COMMD1: variants seen among roughly 807,000 people sequenced by gnomAD.
The protein encoded by COMMD1 is COMM domain-containing protein 1.
Under a neutral mutation model 17.2 loss-of-function variants are expected in COMMD1, and 10 were observed. The ratio of observed to expected loss-of-function variants is 0.58; its 90% CI spans 0.36 to 0.99. COMMD1 has a LOEUF of 0.99. Among genes scored for constraint, COMMD1 ranks in the 50% least tolerant of loss-of-function variants. COMMD1 has a pLI of 0.01. For synonymous variants in COMMD1, 97 were observed against 91.6 expected (o/e 1.06, Z -0.34); for missense variants, 270 against 231.8 (o/e 1.17, Z -1.07).
intron 2 of COMMD1, among the ~76,000 whole-genome samples, chr2:62,057,460 T>C (rs983711796): frequency 2.6e-5 from 4 of 152,220 alleles, no homozygotes; most frequent in African/African-American, 9.6e-5. Context: ...GCTAATGTTC[T>C]ATTAAGATTG....
intron 1 of COMMD1, among the ~76,000 whole-genome samples, chr2:61,979,773 G>T: frequency 1.3e-5 from 2 of 148,278 alleles, no homozygotes. Context: ...TATACTCTAA[G>T]TTTTAGGGTA....
At chr2:61,911,070 C>T (rs1052651271) in intron 1 of COMMD1, among the ~76,000 whole-genome samples, 4 of 144,120 alleles carry the variant, frequency 2.8e-5, no homozygotes, top group Non-Finnish European at 4.6e-5. Context: ...GCAACAAGAG[C>T]GAAACCCCAT....
chr2:62,126,146 C>A (rs964439495), intron 2 of COMMD1, among the ~76,000 whole-genome samples: 2 of 152,226 alleles, frequency 1.3e-5, no homozygotes, highest in African/African-American at 4.8e-5. Context: ...GTGTATGTAC[C>A]ACATTTTCTT....
chr2:62,124,021 C>G lies in COMMD1; in HGVS notation c.463-11810C>G, dbSNP rs548326675. ...AGTCACAGTTAAAGTTCCTCCCAGC[C>G]AGGCACGGTGGCTCACACCTGTAAT... On this transcript the variant is annotated intron_variant, in intron 2 of 2. Transcript: ENST00000311832. Among the ~76,000 whole-genome samples, 8 of 152,268 alleles carry G rather than the reference C, an allele frequency of 5.3e-5. No individual in the cohort carries two copies. The South Asian group carries it at 1.7e-3, about 32-fold the overall frequency.
chr2:61,995,082 T>A (rs899872208), intron 1 of COMMD1, among the ~76,000 whole-genome samples: 2 of 140,500 alleles, frequency 1.4e-5, no homozygotes, highest in African/African-American at 2.7e-5. Flanking sequence ...CTTACTGTTA[T>A]CAGATTCAGC....
chr2:61,906,358 A>G (rs777969082), intron 1 of COMMD1, among the ~76,000 whole-genome samples: 5 of 152,276 alleles, frequency 3.3e-5, no homozygotes, highest in Non-Finnish European at 7.3e-5. Context: ...TAGATCGTCC[A>G]ATAGAAATAT....
chr2:61,936,094 A>G (rs1312096999), intron 1 of COMMD1, among the ~76,000 whole-genome samples: 3 of 152,204 alleles, frequency 2.0e-5, no homozygotes, highest in Admixed American at 1.3e-4. Flanking sequence ...CTGAGACACC[A>G]TGCCCGGCCC....
chr2:62,128,166 A>G (rs1312067799), intron 2 of COMMD1, among the ~76,000 whole-genome samples: 1 of 151,722 alleles, frequency 6.6e-6, no homozygotes, highest in Admixed American at 6.6e-5. Context: ...TATCTCTACT[A>G]GAAATGCAAA....
At chr2:61,907,985 GCTTTA>G (rs895873391) in intron 1 of COMMD1, among the ~76,000 whole-genome samples, 5 of 152,052 alleles carry the variant, frequency 3.3e-5, no homozygotes, top group African/African-American at 1.2e-4. Flanking sequence ...ACTGCATCCG[GCTTTA>G]CTTTATTTTA....
intron 1 of COMMD1, among the ~76,000 whole-genome samples, chr2:61,997,769 G>A (rs1467830389): frequency 1.3e-5 from 2 of 152,156 alleles, no homozygotes; most frequent in Non-Finnish European, 1.5e-5. Flanking sequence ...CACCAGCTGC[G>A]TTAGCCCCTA....
At chr2:61,904,171 C>T (rs745868170), upstream of COMMD1, among the ~76,000 whole-genome samples, 7 of 152,006 alleles carry the variant, frequency 4.6e-5, no homozygotes, top group South Asian at 2.1e-4. Flanking sequence ...CCACTAGGCC[C>T]GGCTAATTTT....
intron 2 of COMMD1, chr2:62,079,890 C>T (rs919630174): frequency 2.0e-5 from 3 of 152,116 alleles, no homozygotes; most frequent in East Asian, 3.8e-4. Flanking sequence ...TTTTATGTAG[C>T]ATTTAAATAA....
chr2:61,914,481 G>A (rs1008167446), intron 1 of COMMD1, among the ~76,000 whole-genome samples: 4 of 151,780 alleles, frequency 2.6e-5, no homozygotes, highest in South Asian at 2.1e-4. Flanking sequence ...GCTGAGGCAG[G>A]AGAATTGCTT....
chr2:62,111,956 A>G (rs1354640215), intron 2 of COMMD1, among the ~76,000 whole-genome samples: 1 of 152,212 alleles, frequency 6.6e-6, no homozygotes, highest in Non-Finnish European at 1.5e-5. Flanking sequence ...TTGTAGTCAT[A>G]GTCTGAGATT....
In COMMD1 at chr2:61,973,859, A is replaced by G. The variant is rs985529636; in HGVS notation, c.181-26842A>G. 4.6e-5 allele frequency among the ~76,000 whole-genome samples: 7 copies of G among 152,184 alleles called. No individual in the cohort carries two copies. The East Asian group carries it at 1.3e-3, about 29-fold the overall frequency. On this transcript the variant is annotated intron_variant, in intron 1 of 2. Coordinates refer to ENST00000311832, the MANE Select transcript of COMMD1 (RefSeq NM_152516.4). ...ATTCTAAAAATGTGTATACCTATATAATCCACACACCTGTCATCCCATCAT... is the reference window on the plus strand; with the variant it reads ...ATTCTAAAAATGTGTATACCTATATGATCCACACACCTGTCATCCCATCAT...
At chr2:62,055,319 G>A in intron 2 of COMMD1, 1 of 417,180 alleles carries the variant, frequency 2.4e-6, no homozygotes, top group Non-Finnish European at 4.7e-6. Context: ...AAGTAAAAAG[G>A]AAGAGTTTAT....
chr2:61,892,214 C>T (rs771465272), intron 1 of COMMD1, among the ~76,000 whole-genome samples: 1 of 151,744 alleles, frequency 6.6e-6, no homozygotes, highest in East Asian at 1.9e-4. Context: ...TCCAAGCAGA[C>T]GTAAGGCATA....
chr2:61,999,531 A>G (rs1668862853), intron 1 of COMMD1, among the ~76,000 whole-genome samples: 1 of 152,184 alleles, frequency 6.6e-6, no homozygotes, highest in Admixed American at 6.5e-5. Flanking sequence ...CCTGGCTATA[A>G]GGCATTGTGA....
intron 1 of COMMD1, among the ~76,000 whole-genome samples, chr2:61,927,947 T>G (rs1443406360): frequency 6.6e-6 from 1 of 152,038 alleles, no homozygotes; most frequent in Non-Finnish European, 1.5e-5. Flanking sequence ...ATTTTTTTAG[T>G]AGAGATGGGG....
Sources: allele counts gnomAD v4.1 joint callset (sites outside exome capture counted in the v4.1 genomes callset), GRCh38; gene constraint gnomAD v4.1.1; transcripts MANE v1.5; gene names NCBI Gene and HGNC (gene_info 2026-07-23, HGNC 2026-07-21).